Variants in C1orf21 observed in about 807,000 individuals in gnomAD.
The protein encoded by C1orf21 is uncharacterized protein C1orf21.
In C1orf21, 3 loss-of-function variants were observed where a neutral mutation model predicts 18.7. The ratio of observed to expected loss-of-function variants is 0.16; its 90% confidence interval spans 0.07 to 0.42. The LOEUF is 0.42. C1orf21 is among the 10% of genes least tolerant of loss of function. The pLI is 0.99. For missense variants in C1orf21, 104 were observed against 143.6 expected (o/e 0.72, Z 1.41); for synonymous variants, 41 against 46.4 (o/e 0.88, Z 0.47).
chr1:184,590,695 G>C, intron 3 of C1orf21, 44 bp from the exon 4 acceptor site: 1 of 1,543,076 alleles, frequency 6.5e-7, no homozygotes, highest in East Asian at 2.2e-5. Context: ...TTTAATTGTG[G>C]ATTCTAATCC....
intron 1 of C1orf21, among the ~76,000 whole-genome samples, chr1:184,458,641 C>G (rs1387671342): frequency 6.6e-6 from 1 of 152,166 alleles, no homozygotes; most frequent in African/African-American, 2.4e-5. Flanking sequence ...CCAACTCTGG[C>G]TTTTACAATT....
chr1:184,607,135 T>A (rs572640733), intron 5 of C1orf21, among the ~76,000 whole-genome samples: 2 of 152,202 alleles, frequency 1.3e-5, no homozygotes, highest in Non-Finnish European at 2.9e-5. Flanking sequence ...ATTCCATTTT[T>A]CTAAGTTGAT....
intron 3 of C1orf21, 81 bp downstream of exon 3, chr1:184,507,763 A>G (rs567404286): frequency 7.5e-6 from 8 of 1,065,324 alleles, no homozygotes; most frequent in African/African-American, 6.5e-5. Context: ...TTTAACTGCA[A>G]CTTACACACT....
intron 2 of C1orf21, among the ~76,000 whole-genome samples, chr1:184,497,924 C>T (rs968258574): frequency 6.6e-6 from 1 of 152,188 alleles, no homozygotes; most frequent in East Asian, 1.9e-4. Flanking sequence ...ATCTATAGCT[C>T]TCTGCCACTC....
chr1:184,480,475 C>T (rs1447429366), intron 2 of C1orf21, among the ~76,000 whole-genome samples: 1 of 152,128 alleles, frequency 6.6e-6, no homozygotes, highest in Non-Finnish European at 1.5e-5. Flanking sequence ...GGCAATGAGA[C>T]CACTTAACCA....
chr1:184,604,966 T>C (rs1659629776), intron 5 of C1orf21, among the ~76,000 whole-genome samples: 1 of 152,162 alleles, frequency 6.6e-6, no homozygotes, highest in African/African-American at 2.4e-5. Flanking sequence ...TGAGTCCAAA[T>C]AAAAACCACG....
intron 1 of C1orf21, among the ~76,000 whole-genome samples, chr1:184,467,956 C>T (rs1657428144): frequency 6.6e-6 from 1 of 151,732 alleles, no homozygotes; most frequent in African/African-American, 2.4e-5. Context: ...TGGGTATTCT[C>T]TGTTGTAGTT....
Position 184,617,200 on chromosome 1 carries a change from A to G in C1orf21, c.328-2318A>G, listed in dbSNP as rs185571286. Among the ~76,000 whole-genome samples, 776 of 152,294 alleles carry G rather than the reference A, an allele frequency of 5.1e-3. 2 individuals are homozygous for G. The highest frequency in any genetic ancestry group is 7.8e-3 in the Non-Finnish European group (531 of 68,026). ...ACCCTATGGGATGGAGACCGTGATTATCCCCAGGAAACCAAAGCCCAGCAA... is the reference window on the plus strand; with the variant it reads ...ACCCTATGGGATGGAGACCGTGATTGTCCCCAGGAAACCAAAGCCCAGCAA... On this transcript the variant is annotated intron_variant, in intron 5 of 5. Coordinates refer to ENST00000235307, the MANE Select transcript of C1orf21 (RefSeq NM_030806.4).
intron 3 of C1orf21, among the ~76,000 whole-genome samples, chr1:184,515,644 A>G (rs181507659): frequency 4.7e-4 from 72 of 152,350 alleles, no homozygotes; most frequent in African/African-American, 1.7e-3. Context: ...ACTATAAAAC[A>G]AAACATCATT....
chr1:184,412,588 C>T (rs928319796), intron 1 of C1orf21, among the ~76,000 whole-genome samples: 4 of 152,144 alleles, frequency 2.6e-5, no homozygotes, highest in Non-Finnish European at 5.9e-5. Flanking sequence ...ACAAGAAACA[C>T]TATCAGTCAC....
intron 3 of C1orf21, among the ~76,000 whole-genome samples, chr1:184,572,185 T>C (rs1042556096): frequency 7.2e-5 from 11 of 152,188 alleles, no homozygotes; most frequent in African/African-American, 2.4e-4. Context: ...AGACAAGGAA[T>C]CAAAAGCTGT....
At chr1:184,552,566 A>G (rs913114971) in intron 3 of C1orf21, among the ~76,000 whole-genome samples, 2 of 152,220 alleles carry the variant, frequency 1.3e-5, no homozygotes, top group African/African-American at 4.8e-5. Context: ...AGGAAGAGGG[A>G]AATCAAAGAG....
intron 4 of C1orf21, among the ~76,000 whole-genome samples, chr1:184,598,033 T>C (rs1294835619): frequency 6.6e-6 from 1 of 152,212 alleles, no homozygotes; most frequent in Admixed American, 6.5e-5. Flanking sequence ...CATTTTCTTT[T>C]TTATTTTTTT....
intron 1 of C1orf21, among the ~76,000 whole-genome samples, chr1:184,470,802 C>T (rs1657483886): frequency 6.6e-6 from 1 of 152,054 alleles, no homozygotes; most frequent in South Asian, 2.1e-4. Context: ...TCACTTGAAC[C>T]CAGGAGGTGG....
At chr1:184,478,394 C>A (rs749185520) in intron 2 of C1orf21, among the ~76,000 whole-genome samples, 2 of 152,026 alleles carry the variant, frequency 1.3e-5, no homozygotes, top group Non-Finnish European at 2.9e-5. Context: ...ACCTGGTCTG[C>A]AAATACATTT....
intron 3 of C1orf21, among the ~76,000 whole-genome samples, chr1:184,571,296 C>CAA (rs66868646): frequency 6.0e-4 from 51 of 85,366 alleles, no homozygotes; most frequent in Admixed American, 8.5e-4. Flanking sequence ...GACTCCGTCT[C>CAA]AAAAAAAAAA....
At chr1:184,484,614 C>T (rs1657706027) in intron 2 of C1orf21, among the ~76,000 whole-genome samples, 1 of 152,228 alleles carries the variant, frequency 6.6e-6, no homozygotes, top group Non-Finnish European at 1.5e-5. Flanking sequence ...AGGTTGGGCA[C>T]TGACTGAACC....
At chr1:184,449,219 G>A (rs896604314) in intron 1 of C1orf21, among the ~76,000 whole-genome samples, 1 of 146,354 alleles carries the variant, frequency 6.8e-6, no homozygotes, top group Admixed American at 7.1e-5. Context: ...CCTACAACAG[G>A]CCCCGGTGTG....
At chr1:184,396,821 A>G (rs907028808) in intron 1 of C1orf21, among the ~76,000 whole-genome samples, 10 of 152,190 alleles carry the variant, frequency 6.6e-5, no homozygotes, top group East Asian at 1.9e-4. Context: ...ATTAATGCTA[A>G]TAACATCCCC....
Sources: allele counts gnomAD v4.1 joint callset (sites outside exome capture counted in the v4.1 genomes callset), GRCh38; gene constraint gnomAD v4.1.1; transcripts MANE v1.5; gene names NCBI Gene and HGNC (gene_info 2026-07-23, HGNC 2026-07-21).